SEPTIN8: variants seen among roughly 807,000 people sequenced by gnomAD.
SEPTIN8 encodes septin 8.
A neutral mutation model predicts 53.1 loss-of-function variants in SEPTIN8; 22 were observed. The ratio of observed to expected loss-of-function variants is 0.41; its 90% CI spans 0.30 to 0.59. SEPTIN8 has a LOEUF of 0.59. Among genes scored for constraint, SEPTIN8 ranks in the 20% least tolerant of loss-of-function variants. SEPTIN8 has a pLI of 0.24. For synonymous variants in SEPTIN8, 228 were observed against 248.4 expected (o/e 0.92, Z 0.77); for missense variants, 536 against 638.7 (o/e 0.84, Z 1.73).
At chr5:132,753,267 T>C in intron 9 of SEPTIN8, 1 of 357,874 alleles carries the variant, frequency 2.8e-6, no homozygotes, top group Admixed American at 3.9e-5. Flanking sequence ...CAGCTTGTTT[T>C]ACCTTCCTTC....
intron 2 of SEPTIN8, among the ~76,000 whole-genome samples, chr5:132,764,871 G>A (rs1756422130): frequency 6.6e-6 from 1 of 152,116 alleles, no homozygotes. Flanking sequence ...AGCTCCACAT[G>A]GCTTTAGCTG....
At chr5:132,775,305 G>A (rs1333254057) in intron 1 of SEPTIN8, among the ~76,000 whole-genome samples, 1 of 152,196 alleles carries the variant, frequency 6.6e-6, no homozygotes, top group Non-Finnish European at 1.5e-5. Flanking sequence ...TACAGAGAGT[G>A]CCATGAACAG....
chr5:132,763,826 G>A lies in SEPTIN8; in HGVS notation c.414C>T (p.Ile138=). 1 of 1,610,868 alleles carries A rather than the reference G, an allele frequency of 6.2e-7. No individual in the cohort carries two copies. Among genetic ancestry groups the A allele is most frequent in the Middle Eastern group, 1.7e-4 (1 of 6,040 alleles). The change falls in exon 4 of 10, where the codon ATC becomes ATT. Residue 138 remains isoleucine, a synonymous_variant. Transcript: ENST00000378719. ...CATGGTAGTCGAAGAGCGAGCGGCG[G>A]ATCTTCAGCTCCTCCTGCAGATAAT... is the stretch of plus-strand genomic sequence containing the variant. ...FENYLQEELK[I]RRSLFDYHDT...
At chr5:132,752,369 C>T (rs1399215165) in intron 9 of SEPTIN8, among the ~76,000 whole-genome samples, 188 bp from the exon 10 acceptor site, 2 of 152,168 alleles carry the variant, frequency 1.3e-5, no homozygotes, top group Non-Finnish European at 2.9e-5. Context: ...ACGCTCTATG[C>T]ACTTGAGATG....
In SEPTIN8 at chr5:132,776,365, T is replaced by C. The variant is rs563183518; in HGVS notation, c.30+743A>G. ...TTATGAAAGCCTTTAGTAAGTTGGC[T>C]GTCGGCAGGCTCAGGCCCAGTGAGA... On this transcript the variant is annotated intron_variant, in intron 1 of 9. Transcript: ENST00000378719. The surrounding 1 kb of genome is among the most constrained non-coding windows in gnomAD (Gnocchi z 4.4). Among the ~76,000 whole-genome samples, 13 of 152,302 alleles carry C rather than the reference T, an allele frequency of 8.5e-5. No individual in the cohort carries two copies. Among genetic ancestry groups the C allele is most frequent in the Admixed American group, 7.8e-4 (12 of 15,310 alleles).
intron 9 of SEPTIN8, chr5:132,757,397 C>CAGGAAGGCAGG (rs1203421588): frequency 4.1e-6 from 4 of 985,360 alleles, no homozygotes; most frequent in East Asian, 1.1e-4. Flanking sequence ...AACATCATCT[C>CAGGAAGGCAGG]AGGAAGGCAG....
rs1754855423 is a variant in SEPTIN8, at chr5:132,751,712, T to G, written c.*304A>C. ...TTTTCAGAATGGAAACATTGTCATCTAGGTACTTTCCGCTCATAACGATGA... is the reference window on the plus strand; with the variant it reads ...TTTTCAGAATGGAAACATTGTCATCGAGGTACTTTCCGCTCATAACGATGA... On this transcript the variant is annotated 3_prime_UTR_variant, in exon 10 of 10. Coordinates refer to ENST00000378719, the MANE Select transcript of SEPTIN8 (RefSeq NM_001098811.2). 3.5e-6 allele frequency: 2 copies of G among 570,958 alleles called. No homozygotes were observed. The highest frequency in any genetic ancestry group is 6.7e-5 in the Admixed American group (2 of 29,640). The allele number at this position is 570,958 out of a possible 1,614,324, so 35.4% of individuals were successfully genotyped here. A position where few individuals can be genotyped will look rare whatever the true frequency, so the allele number is the denominator to read the frequency against.
At chr5:132,771,964 C>T (rs1428300944) in intron 1 of SEPTIN8, among the ~76,000 whole-genome samples, 2 of 152,094 alleles carry the variant, frequency 1.3e-5, no homozygotes, top group Non-Finnish European at 2.9e-5. Context: ...AAGAGGACAC[C>T]TGGGAGCCAA....
Position 132,761,777 on chromosome 5 carries a change from A to T in SEPTIN8, c.793+23T>A. 6.3e-7 allele frequency: 1 copy of T among 1,598,934 alleles called. No homozygotes were observed. Among genetic ancestry groups the T allele is most frequent in the Non-Finnish European group, 8.5e-7 (1 of 1,171,954 alleles). The stretch of plus-strand genomic sequence containing the variant: ...CAGGGAACTCAGTTCTACCCCCAGG[A>T]TGCATTTCCTGTCCACACTCACCCT... On this transcript the variant is annotated intron_variant, in intron 6 of 9. Transcript: ENST00000378719. This position sits in a 1 kb window ranked among gnomAD's most constrained non-coding sequence, Gnocchi z 5.8.
upstream of SEPTIN8, chr5:132,777,829 G>T (rs1163199567): frequency 1.0e-6 from 1 of 985,386 alleles, no homozygotes; most frequent in African/African-American, 1.7e-5. The surrounding 1 kb of genome is among the most constrained non-coding windows in gnomAD (Gnocchi z 4.1). Context: ...GCCTTCCCGG[G>T]CAAGGGACCA....
intron 9 of SEPTIN8, chr5:132,752,774 C>A: frequency 9.2e-7 from 1 of 1,087,958 alleles, no homozygotes; most frequent in Non-Finnish European, 1.4e-6. Context: ...CCTTCCTGAA[C>A]TTGCTTCATG....
At chr5:132,754,763 A>G (rs899391314) in intron 9 of SEPTIN8, among the ~76,000 whole-genome samples, 27 of 152,076 alleles carry the variant, frequency 1.8e-4, no homozygotes, top group Admixed American at 4.6e-4. Context: ...TCCCACCTCA[A>G]CTCAGAGATT....
rs1262468664 is a variant in SEPTIN8 at position 132,760,466 on chromosome 5, C to CGAAT, written c.1286+332_1286+335dup. Among the ~76,000 whole-genome samples the CGAAT allele has an allele frequency of 6.6e-6, 1 of 151,226 alleles. No homozygotes were observed. Among genetic ancestry groups the CGAAT allele is most frequent in the Admixed American group, 6.6e-5 (1 of 15,166 alleles). On this transcript the variant is annotated intron_variant, in intron 9 of 9. Coordinates refer to ENST00000378719, the MANE Select transcript of SEPTIN8 (RefSeq NM_001098811.2). The surrounding 1 kb of genome is among the most constrained non-coding windows in gnomAD (Gnocchi z 5.2). Reference sequence around the variant, plus strand: ...AGCTGCCAAGGGGGCTATGGGAGAGCGAATGGGTGAGCAAGAAAGTTGGAG... The same window carrying CGAAT: ...AGCTGCCAAGGGGGCTATGGGAGAGCGAATGAATGGGTGAGCAAGAAAGTTGGAG...
chr5:132,770,064 T>C (rs1383611810), intron 1 of SEPTIN8, among the ~76,000 whole-genome samples: 2 of 8,332 alleles, frequency 2.4e-4, no homozygotes, highest in African/African-American at 5.3e-4. Context: ...TGTGTGTGTG[T>C]ATATATATAT....
Position 132,764,418 on chromosome 5 carries a change from C to G in SEPTIN8, c.153G>C (p.Gly51=). ...QGFSFNILCV[G]ETGIGKSTLM... is the part of the protein sequence containing the mutation. ...GTGTGGATTTGCCAATGCCGGTCTC[C>G]CCTGGGCAGTGAGGACAGGAGGGGA... The change falls in exon 3 of 10, where the codon GGG becomes GGC. Residue 51 remains glycine (G), a splice_region_variant and synonymous_variant. Coordinates refer to ENST00000378719, the MANE Select transcript of SEPTIN8 (RefSeq NM_001098811.2). 1 of 1,611,710 alleles carries G rather than the reference C, an allele frequency of 6.2e-7. No homozygotes were observed. The highest frequency in any genetic ancestry group is 8.5e-7 in the Non-Finnish European group (1 of 1,178,572).
chr5:132,762,713 C>A, intron 4 of SEPTIN8, 68 bp from the exon 5 acceptor site: 2 of 1,540,118 alleles, frequency 1.3e-6, no homozygotes, highest in South Asian at 2.3e-5. Flanking sequence ...CATGCCATGC[C>A]CAGGATATGG....
intron 1 of SEPTIN8, among the ~76,000 whole-genome samples, chr5:132,771,657 T>C (rs2150000129): frequency 6.6e-6 from 1 of 152,334 alleles, no homozygotes; most frequent in East Asian, 1.9e-4. Flanking sequence ...CAAACTATGC[T>C]AGCCCCGGCT....
Position 132,760,969 on chromosome 5 carries a change from C to A in SEPTIN8, c.1119G>T (p.Leu373=). The stretch of plus-strand genomic sequence containing the variant: ...GCTTCTCCTCCTGGTGGACCCGCTT[C>A]AGGTGCTCAAACTTCTCATGGAGCT... ...ERELHEKFEH[L]KRVHQEEKRK... is the part of the protein sequence containing the mutation. Residue 373 remains leucine, a synonymous_variant, in exon 9 of 10, where the codon CTG becomes CTT. Transcript: ENST00000378719. This position sits in a 1 kb window ranked among gnomAD's most constrained non-coding sequence, Gnocchi z 5.2. 6.3e-7 allele frequency: 1 copy of A among 1,585,242 alleles called. No individual in the cohort carries two copies. Among genetic ancestry groups the A allele is most frequent in the South Asian group, 1.2e-5 (1 of 85,520 alleles).
chr5:132,771,463 T>C (rs1757313336), intron 1 of SEPTIN8, among the ~76,000 whole-genome samples: 2 of 152,150 alleles, frequency 1.3e-5, no homozygotes, highest in African/African-American at 4.8e-5. Flanking sequence ...CCTTGGACTT[T>C]GGATGCTTTT....
Sources: allele counts gnomAD v4.1 joint callset (sites outside exome capture counted in the v4.1 genomes callset), GRCh38; gene constraint gnomAD v4.1.1; non-coding constraint Gnocchi (gnomAD v3.1); transcripts MANE v1.5; gene names NCBI Gene and HGNC (gene_info 2026-07-23, HGNC 2026-07-21).